The following NTAN1 variants were observed in gnomAD, a reference collection of about 807,000 sequenced individuals.
NTAN1 encodes N-terminal asparagine amidase, also known as protein N-terminal asparagine amidohydrolase.
A neutral mutation model predicts 41.9 loss-of-function variants in NTAN1; 32 were observed. The observed-to-expected ratio is 0.76, with a 90% CI of 0.58 to 1.03. The LOEUF (loss-of-function observed/expected upper bound fraction) is 1.03, where lower values mean the gene tolerates loss of function less well. Ranked by LOEUF, NTAN1 falls within the 50% of genes least tolerant of loss-of-function variation. The probability of loss-of-function intolerance (pLI) is 0.00; values close to 1 mark genes in which losing one functional copy is unlikely to be tolerated. For synonymous variants in NTAN1, 140 were observed against 139.5 expected (o/e 1.00, Z -0.03); for missense variants, 377 against 377.5 (o/e 1.00, Z 0.01).
At chr16:15,054,406 CTTTCTATCACGGACAT>C (rs960456654) in intron 1 of NTAN1, among the ~76,000 whole-genome samples, 4 of 152,210 alleles carry the variant, frequency 2.6e-5, no homozygotes, top group Non-Finnish European at 5.9e-5. Flanking sequence ...ACCCATCTAA[CTTTCTATCACGGACAT>C]TTTCAAACAG....
chr16:15,038,372 G>T, intron 9 of NTAN1, 162 bp from the exon 10 acceptor site: 1 of 631,294 alleles, frequency 1.6e-6, no homozygotes, highest in Non-Finnish European at 2.8e-6. Context: ...ATTGCTTACT[G>T]CTTTACCCAC....
At chr16:15,043,346 C>CT (rs2043910298) in intron 5 of NTAN1, among the ~76,000 whole-genome samples, 2 of 152,164 alleles carry the variant, frequency 1.3e-5, no homozygotes, top group South Asian at 4.1e-4. Context: ...GGATATGAAC[C>CT]TTTTTTAAGA....
chr16:15,042,723 T>TATTTATTTATTTA (rs1464879053), intron 5 of NTAN1, among the ~76,000 whole-genome samples: 150 of 132,402 alleles, frequency 1.1e-3, no homozygotes, highest in African/African-American at 4.5e-3. Context: ...ATGAACTATT[T>TATTTATTTATTTA]ATTTATTTAT....
rs199560388 is a variant in NTAN1, at chr16:15,040,070, T to C, written c.542-4A>G. On this transcript the variant is annotated splice_polypyrimidine_tract_variant and splice_region_variant and intron_variant, in intron 7 of 9. Coordinates refer to ENST00000287706, the MANE Select transcript of NTAN1 (RefSeq NM_173474.4). The stretch of plus-strand genomic sequence containing the variant: ...TCTGCAGTCTTAATGTTGACAGCTG[T>C]GAGGGACAACAGGATGACTCTGAAT... The C allele has an allele frequency of 5.6e-5, 87 of 1,546,744 alleles. 1 individual carries two copies. The highest frequency in any genetic ancestry group is 5.1e-5 in the Admixed American group (3 of 58,922).
chr16:15,037,917 A>AG lies in NTAN1; in HGVS notation c.*113dup. On this transcript the variant is annotated 3_prime_UTR_variant, in exon 10 of 10. Coordinates refer to ENST00000287706, the MANE Select transcript of NTAN1 (RefSeq NM_173474.4). Reference sequence around the variant, plus strand: ...GATGAAAGTCATTTGAAAGACACTGAGGAGGGAAGGAGGCCTAAGACCCAA... The same window carrying AG: ...GATGAAAGTCATTTGAAAGACACTGAGGGAGGGAAGGAGGCCTAAGACCCAA... 6.2e-6 allele frequency: 4 copies of AG among 646,774 alleles called. No individual in the cohort carries two copies. The highest frequency in any genetic ancestry group is 1.1e-5 in the Non-Finnish European group (4 of 369,668). The allele number at this position is 646,774 out of a possible 1,614,324, so 40.1% of individuals were successfully genotyped here.
At chr16:15,047,175 A>G in intron 4 of NTAN1, 3 of 493,880 alleles carry the variant, frequency 6.1e-6, no homozygotes. Context: ...GAAAATCGCA[A>G]CCTCGACGTT....
rs766665477 is a variant in NTAN1, at chr16:15,047,456, G to A, written c.345C>T (p.His115=). 28 of 1,605,160 alleles carry A rather than the reference G, an allele frequency of 1.7e-5. No homozygotes were observed. Among genetic ancestry groups the A allele is most frequent in the African/African-American group, 5.4e-5 (4 of 74,706 alleles). The stretch of plus-strand genomic sequence containing the variant: ...GTAGATCTCACCTTCCACATTGAGC[G>A]TGGTCAGAAAAGGATTTTATGGAGT... ...IMNSIKSFSD[H]AQCGRLEVHL... is the part of the protein sequence containing the mutation. The change falls in exon 4 of 10, where the codon CAC becomes CAT. Residue 115 remains histidine (H), a synonymous_variant. Transcript: ENST00000287706.
intron 4 of NTAN1, 72 bp downstream of exon 4, chr16:15,047,370 C>CT: frequency 1.0e-6 from 1 of 997,972 alleles, no homozygotes; most frequent in South Asian, 1.3e-5. Context: ...CCCCTAACAG[C>CT]TTCCACAGCC....
At chr16:15,044,720 A>C (rs2043975101) in intron 4 of NTAN1, 1 of 379,822 alleles carries the variant, frequency 2.6e-6, no homozygotes, top group Non-Finnish European at 4.8e-6. Context: ...GCAGTGGCTC[A>C]CATCTGTAAT....
Position 15,038,110 on chromosome 16 carries a change from A to C in NTAN1, c.854T>G (p.Leu285Arg). Residue 285 changes from leucine (L) to arginine (R), a missense_variant, in exon 10 of 10, where the codon CTG (leucine) becomes CGG (arginine). Leu to Arg is a moderately radical substitution (Grantham distance 102). Transcript: ENST00000287706. Reference sequence around the variant, plus strand: ...GAGTAGGGCTTTATTTCCAGAAAACAGTGTGTGAGCTGGAGATGGGTGTTT... The same window carrying C: ...GAGTAGGGCTTTATTTCCAGAAAACCGTGTGTGAGCTGGAGATGGGTGTTT... The part of the protein sequence containing the change: ...LKKHPSPAHT[L>R]FSGNKALLYK... 3 of 1,612,296 alleles carry C rather than the reference A, an allele frequency of 1.9e-6. No individual in the cohort carries two copies. Among genetic ancestry groups the C allele is most frequent in the Non-Finnish European group, 2.5e-6 (3 of 1,178,412 alleles).
intron 3 of NTAN1, 50 bp from the exon 4 acceptor site, chr16:15,047,600 G>A (rs1167182013): frequency 7.4e-7 from 1 of 1,346,396 alleles, no homozygotes; most frequent in South Asian, 1.2e-5. Context: ...TGCGAGTGCA[G>A]TGCGCAGGCC....
intron 3 of NTAN1, 105 bp from the exon 4 acceptor site, chr16:15,047,655 T>C (rs2044129975): frequency 4.1e-6 from 4 of 979,548 alleles, no homozygotes; most frequent in Middle Eastern, 2.1e-4. Flanking sequence ...TTGAATATCC[T>C]GTAGGGGAAA....
chr16:15,047,593 G>A (rs559994849), intron 3 of NTAN1, 43 bp from the exon 4 acceptor site: 12 of 1,381,488 alleles, frequency 8.7e-6, no homozygotes, highest in Admixed American at 3.4e-5. Flanking sequence ...TCCCTGATGC[G>A]AGTGCAGTGC....
At chr16:15,038,537 CAG>C in intron 9 of NTAN1, 35 bp downstream of exon 9, 4 of 1,136,650 alleles carry the variant, frequency 3.5e-6, no homozygotes, top group Non-Finnish European at 5.3e-6. Context: ...AACCAGGGTG[CAG>C]AGATTTAAGA....
intron 1 of NTAN1, among the ~76,000 whole-genome samples, chr16:15,054,985 G>GT (rs2044445774): frequency 6.6e-6 from 1 of 152,090 alleles, no homozygotes; most frequent in Admixed American, 6.6e-5. Flanking sequence ...GTACTTAACA[G>GT]TTTATAGTAT....
At chr16:15,052,097 G>T (rs906148678) in intron 1 of NTAN1, among the ~76,000 whole-genome samples, 5 of 151,876 alleles carry the variant, frequency 3.3e-5, no homozygotes, top group Non-Finnish European at 7.4e-5. Context: ...CCAGTGACCA[G>T]CAGATTTTCT....
In NTAN1 at chr16:15,037,982, C is replaced by CAATGGTCTGTCAGGCCA; in HGVS notation, c.*32_*48dup. Reference sequence around the variant, plus strand: ...AGATCTGGATTCGTGCCAGCCCCACCAATGGTCTGTCAGGCCAAGAAGGTG... The same window carrying CAATGGTCTGTCAGGCCA: ...AGATCTGGATTCGTGCCAGCCCCACCAATGGTCTGTCAGGCCAAATGGTCTGTCAGGCCAAGAAGGTG... On this transcript the variant is annotated 3_prime_UTR_variant, in exon 10 of 10. Transcript: ENST00000287706. The CAATGGTCTGTCAGGCCA allele has an allele frequency of 1.4e-6, 2 of 1,441,472 alleles. No individual in the cohort carries two copies. The highest frequency in any genetic ancestry group is 1.9e-6 in the Non-Finnish European group (2 of 1,035,422). The allele number at this position is 1,441,472 out of a possible 1,614,324, so 89.3% of individuals were successfully genotyped here.
At chr16:15,047,827 A>C in intron 3 of NTAN1, 28 bp downstream of exon 3, 1 of 1,579,522 alleles carries the variant, frequency 6.3e-7, no homozygotes, top group Non-Finnish European at 8.7e-7. Context: ...AGTTTAAGTA[A>C]TGGTTTCCTT....
chr16:15,051,420 G>T (rs2044286544), intron 1 of NTAN1, among the ~76,000 whole-genome samples: 1 of 152,102 alleles, frequency 6.6e-6, no homozygotes, highest in African/African-American at 2.4e-5. Flanking sequence ...CGGCGAGATC[G>T]TGGCTCACTG....
Sources: allele counts gnomAD v4.1 joint callset (sites outside exome capture counted in the v4.1 genomes callset), GRCh38; gene constraint gnomAD v4.1.1; transcripts MANE v1.5; gene names NCBI Gene and HGNC (gene_info 2026-07-23, HGNC 2026-07-21).